Variants in ZNF555 observed in about 807,000 individuals in gnomAD.
ZNF555 encodes the protein zinc finger protein 555.
ZNF555 carries 10 observed loss-of-function variants against 14.0 expected under a neutral mutation model. That is an observed-to-expected ratio of 0.72 (90% confidence interval 0.44 to 1.21). The LOEUF (loss-of-function observed/expected upper bound fraction) is 1.21, where lower values mean the gene tolerates loss of function less well. ZNF555 is among the 50% of genes most tolerant of loss of function. ZNF555 has a pLI of 0.00. For synonymous variants in ZNF555, 277 were observed against 262.4 expected (o/e 1.06, Z -0.54); for missense variants, 747 against 762.0 (o/e 0.98, Z 0.23).
intron 1 of ZNF555, among the ~76,000 whole-genome samples, chr19:2,848,605 C>T (rs1350106959): frequency 7.9e-5 from 12 of 152,084 alleles, no homozygotes; most frequent in Admixed American, 1.3e-4. Flanking sequence ...CGTGCCACCA[C>T]GCCCGGCTAA....
intron 1 of ZNF555, 149 bp downstream of exon 1, chr19:2,841,724 C>CGG: frequency 1.1e-6 from 1 of 951,874 alleles, no homozygotes; most frequent in Non-Finnish European, 1.4e-6. Context: ...GGGTCCCGCC[C>CGG]GGCCCCGCCT....
At chr19:2,845,650 C>G (rs1472223689) in intron 1 of ZNF555, among the ~76,000 whole-genome samples, 1 of 152,188 alleles carries the variant, frequency 6.6e-6, no homozygotes, top group Non-Finnish European at 1.5e-5. Flanking sequence ...AACAGCCATT[C>G]TGACGGGTGT....
In ZNF555 at chr19:2,852,433, C is replaced by G. The variant is rs981990896; in HGVS notation, c.368C>G (p.Ala123Gly). Reference sequence around the variant, plus strand: ...GAAAGTAATGATCAATGTGGAGAAGCCCTCAGCCAGATTCCACATCTTAAT... The same window carrying G: ...GAAAGTAATGATCAATGTGGAGAAGGCCTCAGCCAGATTCCACATCTTAAT... ...LCESNDQCGE[A>G]LSQIPHLNLY... The change falls in exon 4 of 4, where the codon GCC becomes GGC. Residue 123 changes from alanine to glycine, a missense_variant. By Grantham distance (60) the Ala-to-Gly change is moderately conservative. Coordinates refer to ENST00000334241, the MANE Select transcript of ZNF555 (RefSeq NM_152791.5). The G allele has an allele frequency of 1.2e-6, 2 of 1,613,982 alleles. No individual in the cohort carries two copies. The highest frequency in any genetic ancestry group is 1.7e-6 in the Non-Finnish European group (2 of 1,179,996).
At chr19:2,850,002 C>T (rs547418730) in intron 1 of ZNF555, among the ~76,000 whole-genome samples, 5 of 152,258 alleles carry the variant, frequency 3.3e-5, no homozygotes, top group Non-Finnish European at 7.4e-5. Context: ...TTCCTCTTTC[C>T]TAAGGTCTAA....
At position 2,853,415 on chromosome 19, in the gene ZNF555, A is replaced by T. The variant is rs2087654078; in HGVS notation, c.1350A>T (p.Lys450Asn). 1.2e-6 allele frequency: 2 copies of T among 1,613,896 alleles called. No homozygotes were observed. The highest frequency in any genetic ancestry group is 1.7e-5 in the Admixed American group (1 of 59,966). The change falls in exon 4 of 4, where the codon AAA becomes AAT. Residue 450 changes from lysine to asparagine, a missense_variant. By Grantham distance (94) the Lys-to-Asn change is moderately conservative. Coordinates refer to ENST00000334241, the MANE Select transcript of ZNF555 (RefSeq NM_152791.5). ...ATATGAGAACACATACTAGAGAGAA[A>T]CCCTATGAATGTAAGCAGTGTGGGA... ...RKHMRTHTRE[K>N]PYECKQCGKA...
Position 2,852,963 on chromosome 19 carries a change from C to T in ZNF555, c.898C>T (p.Arg300Ter), listed in dbSNP as rs780468771. Residue 300 changes from arginine to a stop codon, truncating the protein, a stop_gained, in exon 4 of 4, where the codon CGA becomes TGA. Transcript: ENST00000334241. LOFTEE classifies it low-confidence loss of function (END_TRUNC). ...AEAFSYSSTF[R>*]RHMISHTGEK... ...AGCCTTTAGTTATTCCTCAACTTTT[C>T]GAAGACATATGATTTCACACACTGG... The T allele has an allele frequency of 8.1e-6, 13 of 1,614,152 alleles. No homozygotes were observed. The highest frequency in any genetic ancestry group is 7.7e-5 in the South Asian group (7 of 91,078).
At chr19:2,842,840 G>A (rs111362091) in intron 1 of ZNF555, among the ~76,000 whole-genome samples, 1,668 of 152,232 alleles carry the variant, frequency 0.011, 25 homozygotes, top group African/African-American at 0.038. Context: ...GTCAGGAGTT[G>A]GGGACCAGCC....
chr19:2,850,957 T>C (rs2087624225), intron 2 of ZNF555, among the ~76,000 whole-genome samples: 1 of 152,064 alleles, frequency 6.6e-6, no homozygotes, highest in South Asian at 2.1e-4. Context: ...ATAGCTTTGA[T>C]AGGCCTAGTG....
chr19:2,853,122 C>T lies in ZNF555; in HGVS notation c.1057C>T (p.Gln353Ter), dbSNP rs768528670. Residue 353 changes from glutamine (Q) to a stop codon, truncating the protein, a stop_gained, in exon 4 of 4, where the codon CAG becomes TAG. Coordinates refer to ENST00000334241, the MANE Select transcript of ZNF555 (RefSeq NM_152791.5). LOFTEE classifies it low-confidence loss of function (END_TRUNC). The stretch of plus-strand genomic sequence containing the variant: ...ATGTGGGAAAACCTTCATTTATCTC[C>T]AGTCCTTTCGAAGACATGAAAGGAT... The part of the protein sequence containing the change: ...KQCGKTFIYL[Q>*]SFRRHERIHT... 2.5e-6 allele frequency: 4 copies of T among 1,613,252 alleles called. No homozygotes were observed. The highest frequency in any genetic ancestry group is 2.5e-6 in the Non-Finnish European group (3 of 1,179,776).
chr19:2,843,315 G>A (rs1414152193), intron 1 of ZNF555, among the ~76,000 whole-genome samples: 2 of 152,038 alleles, frequency 1.3e-5, no homozygotes, highest in South Asian at 2.1e-4. Flanking sequence ...GGTGTGTGCC[G>A]CCATGCCTAA....
Position 2,860,168 on chromosome 19 carries a change from T to C in ZNF555, c.*6216T>C, listed in dbSNP as rs10418996. 1 of 152,188 alleles carries C rather than the reference T, an allele frequency of 6.6e-6. No homozygotes were observed. Among genetic ancestry groups the C allele is most frequent in the South Asian group, 2.1e-4 (1 of 4,828 alleles). 9.4% of individuals were successfully genotyped at this position (152,188 alleles called of 1,614,324 possible). A position where few individuals can be genotyped will look rare whatever the true frequency, so the allele number is the denominator to read the frequency against. ...TTACTACCTCTGGGACTCTCATCTC[T>C]TGAGTGTGCTTGGGTGTGTCCAACC... is the stretch of plus-strand genomic sequence containing the variant. On this transcript the variant is annotated 3_prime_UTR_variant, in exon 4 of 4. Coordinates refer to ENST00000334241, the MANE Select transcript of ZNF555 (RefSeq NM_152791.5).
chr19:2,855,418 G>A lies in ZNF555; in HGVS notation c.*1466G>A, dbSNP rs534144592. 2.6e-4 allele frequency: 40 copies of A among 152,258 alleles called. No homozygotes were observed. The highest frequency in any genetic ancestry group is 9.4e-4 in the African/African-American group (39 of 41,520). 9.4% of individuals were successfully genotyped at this position (152,258 alleles called of 1,614,324 possible). ...ACACAAAAATTAGCCAGGCATGGTG[G>A]TGAGTACCTGTAACCCCAGCTACTT... is the stretch of plus-strand genomic sequence containing the variant. On this transcript the variant is annotated 3_prime_UTR_variant, in exon 4 of 4. Transcript: ENST00000334241.
At chr19:2,843,772 A>G (rs1234115345) in intron 1 of ZNF555, among the ~76,000 whole-genome samples, 1 of 152,174 alleles carries the variant, frequency 6.6e-6, no homozygotes, top group East Asian at 1.9e-4. Flanking sequence ...AGCTCCTTAT[A>G]TTAAAGTGTT....
In ZNF555 at chr19:2,859,160, A is replaced by G. The variant is rs564419351; in HGVS notation, c.*5208A>G. 1 of 152,240 alleles carries G rather than the reference A, an allele frequency of 6.6e-6. No homozygotes were observed. The highest frequency in any genetic ancestry group is 2.1e-4 in the South Asian group (1 of 4,832). The allele number at this position is 152,240 out of a possible 1,614,324, so 9.4% of individuals were successfully genotyped here. Reference sequence around the variant, plus strand: ...CAGGATGCAACACGGGCTCGCGTCTAAAAGAGCTGTGCTTTGTTGGGGCTA... The same window carrying G: ...CAGGATGCAACACGGGCTCGCGTCTGAAAGAGCTGTGCTTTGTTGGGGCTA... On this transcript the variant is annotated 3_prime_UTR_variant, in exon 4 of 4. Coordinates refer to ENST00000334241, the MANE Select transcript of ZNF555 (RefSeq NM_152791.5).
At chr19:2,844,502 G>A (rs913899306) in intron 1 of ZNF555, among the ~76,000 whole-genome samples, 1 of 152,230 alleles carries the variant, frequency 6.6e-6, no homozygotes, top group Non-Finnish European at 1.5e-5. Flanking sequence ...GCCTCCCCGA[G>A]TGCTGGAATT....
chr19:2,842,469 A>C (rs943286607), intron 1 of ZNF555, among the ~76,000 whole-genome samples: 4 of 152,206 alleles, frequency 2.6e-5, no homozygotes, highest in Admixed American at 6.5e-5. Flanking sequence ...TGCTGTAGCA[A>C]CTGACTGCAA....
intron 3 of ZNF555, among the ~76,000 whole-genome samples, 167 bp from the exon 4 acceptor site, chr19:2,852,213 A>C (rs2087636068): frequency 6.6e-6 from 1 of 152,154 alleles, no homozygotes. Context: ...TAATAATGGC[A>C]GTGGTCAAAC....
At chr19:2,846,357 G>A (rs144174043) in intron 1 of ZNF555, among the ~76,000 whole-genome samples, 10 of 152,286 alleles carry the variant, frequency 6.6e-5, no homozygotes, top group African/African-American at 2.2e-4. Context: ...AGAGGGGAGC[G>A]CTTCGGTCAC....
chr19:2,854,167 AGTTTT>A lies in ZNF555; in HGVS notation c.*216_*220del, dbSNP rs2087664824. ...TATTTTTAATATGCAAGTAGGTTCA[AGTTTT>A]ATTTAATTTCTTAAATTGTAACTGA... On this transcript the variant is annotated 3_prime_UTR_variant, in exon 4 of 4. Transcript: ENST00000334241. The A allele has an allele frequency of 3.6e-6, 2 of 559,110 alleles. No individual in the cohort carries two copies. The highest frequency in any genetic ancestry group is 6.1e-6 in the Non-Finnish European group (2 of 325,962). 34.6% of individuals were successfully genotyped at this position (559,110 alleles called of 1,614,324 possible).
Sources: gnomAD v4.1 joint callset for allele counts (sites outside exome capture counted in the v4.1 genomes callset) on GRCh38, gnomAD v4.1.1 for gene constraint, MANE v1.5 for transcripts, NCBI Gene and HGNC (gene_info 2026-07-23, HGNC 2026-07-21) for gene names.